The following CALML4 variants were observed in gnomAD, a reference collection of about 807,000 sequenced individuals.
CALML4 encodes calmodulin-like protein 4.
CALML4 carries 16 observed loss-of-function variants against 17.9 expected under a neutral mutation model. The ratio of observed to expected loss-of-function variants is 0.89; its 90% CI spans 0.61 to 1.36. The LOEUF is 1.36. Ranked by LOEUF, CALML4 falls within the 40% of genes most tolerant of loss-of-function variation. The pLI, the probability that CALML4 is intolerant of heterozygous loss-of-function variation, is 0.00. For missense variants in CALML4, 203 were observed against 194.8 expected (o/e 1.04, Z -0.25); for synonymous variants, 86 against 71.5 (o/e 1.20, Z -1.02).
Position 68,201,228 on chromosome 15 carries a change from C to T in CALML4, c.35-1547G>A, listed in dbSNP as rs537551200. On this transcript the variant is annotated intron_variant, in intron 2 of 4. Coordinates refer to ENST00000467889, the MANE Select transcript of CALML4 (RefSeq NM_033429.3). Reference sequence around the variant, plus strand: ...CTTTCAGAACATTCCAGAGCCTGAGCTTCCGAAGGGGCAAACCAAAGTCAG... The same window carrying T: ...CTTTCAGAACATTCCAGAGCCTGAGTTTCCGAAGGGGCAAACCAAAGTCAG... 7.9e-5 allele frequency among the ~76,000 whole-genome samples: 12 copies of T among 152,362 alleles called. No individual in the cohort carries two copies. In the South Asian group the frequency reaches 2.5e-3, roughly 32 times the overall value.
chr15:68,196,618 C>T (rs769168255), intron 4 of CALML4, among the ~76,000 whole-genome samples: 6 of 152,176 alleles, frequency 3.9e-5, no homozygotes, highest in Non-Finnish European at 7.4e-5. Flanking sequence ...GCAGAGCTGG[C>T]TGGCTGGCTG....
intron 3 of CALML4, chr15:68,198,539 C>G (rs923381000): frequency 6.6e-6 from 1 of 152,248 alleles, no homozygotes; most frequent in African/African-American, 2.4e-5. Context: ...ACCCCAGGCT[C>G]TGAAACTACT....
chr15:68,190,911 G>C lies in CALML4; in HGVS notation c.*3104C>G, dbSNP rs191701794. On this transcript the variant is annotated 3_prime_UTR_variant, in exon 5 of 5. Coordinates refer to ENST00000467889, the MANE Select transcript of CALML4 (RefSeq NM_033429.3). The surrounding 1 kb of genome is among the most constrained non-coding windows in gnomAD (Gnocchi z 4.7). ...CTCTGAAAAATCGGATTCTTTGGCAGATTTTCCTTTGAGTCAAGTGTCTGA... is the reference window on the plus strand; with the variant it reads ...CTCTGAAAAATCGGATTCTTTGGCACATTTTCCTTTGAGTCAAGTGTCTGA... 6.6e-6 allele frequency: 1 copy of C among 152,290 alleles called. No homozygotes were observed. The highest frequency in any genetic ancestry group is 6.5e-5 in the Admixed American group (1 of 15,280). 9.4% of individuals were successfully genotyped at this position (152,290 alleles called of 1,614,324 possible).
chr15:68,199,818 G>A (rs2093159470), intron 2 of CALML4, 137 bp from the exon 3 acceptor site: 1 of 864,506 alleles, frequency 1.2e-6, no homozygotes, highest in South Asian at 2.1e-5. Flanking sequence ...CCTCCCAAGG[G>A]TGCTAGATAC....
upstream of CALML4, chr15:68,205,577 G>A (rs561389962): frequency 9.6e-6 from 6 of 627,078 alleles, no homozygotes; most frequent in South Asian, 7.9e-5. This position sits in a 1 kb window ranked among gnomAD's most constrained non-coding sequence, Gnocchi z 4.8. Context: ...CCAGGAAGGG[G>A]TCTTCTCTCT....
Position 68,204,359 on chromosome 15 carries a change from CG to C in CALML4, c.34+761del, listed in dbSNP as rs1466542040. Among the ~76,000 whole-genome samples, 3 of 152,118 alleles carry C rather than the reference CG, an allele frequency of 2.0e-5. No individual in the cohort carries two copies. The highest frequency in any genetic ancestry group is 6.5e-5 in the Admixed American group (1 of 15,280). ...AAAGACCTGGAGGAATGGGATGCCTCGGGGGACTCTCAGGCCCATTGACGTC... is the reference window on the plus strand; with the variant it reads ...AAAGACCTGGAGGAATGGGATGCCTCGGGGACTCTCAGGCCCATTGACGTC... On this transcript the variant is annotated intron_variant, in intron 2 of 4. Coordinates refer to ENST00000467889, the MANE Select transcript of CALML4 (RefSeq NM_033429.3). This position sits in a 1 kb window ranked among gnomAD's most constrained non-coding sequence, Gnocchi z 6.0.
chr15:68,197,916 C>T lies in CALML4; in HGVS notation c.176-288G>A. 1 of 377,354 alleles carries T rather than the reference C, an allele frequency of 2.7e-6. No individual in the cohort carries two copies. Among genetic ancestry groups the T allele is most frequent in the Non-Finnish European group, 4.9e-6 (1 of 204,196 alleles). 23.4% of individuals were successfully genotyped at this position (377,354 alleles called of 1,614,324 possible). On this transcript the variant is annotated intron_variant, in intron 3 of 4. Transcript: ENST00000467889. The surrounding 1 kb of genome is among the most constrained non-coding windows in gnomAD (Gnocchi z 4.1). ...TCCCAACCACAGATGGAGGACTGGG[C>T]TCCTCTGCTCCCTTCTAGCGCTTCC...
upstream of CALML4, chr15:68,205,587 T>G (rs2093180717): frequency 6.7e-6 from 4 of 599,714 alleles, no homozygotes; most frequent in Middle Eastern, 1.4e-3. The surrounding 1 kb of genome is among the most constrained non-coding windows in gnomAD (Gnocchi z 4.8). Flanking sequence ...GTCTTCTCTC[T>G]CTCTCCTGGG....
At chr15:68,194,875 C>CTCTGCCCCCACCCCAAGAGAGGACTTAG (rs2093136679) in intron 4 of CALML4, among the ~76,000 whole-genome samples, 4 of 151,468 alleles carry the variant, frequency 2.6e-5, no homozygotes, top group Non-Finnish European at 5.9e-5. Context: ...TCCTCACCAC[C>CTCTGCCCCCACCCCAAGAGAGGACTTAG]TCTGCCCCCA....
chr15:68,194,694 T>TTTTA (rs2093135599), intron 4 of CALML4, among the ~76,000 whole-genome samples: 1 of 152,088 alleles, frequency 6.6e-6, no homozygotes, highest in African/African-American at 2.4e-5. Context: ...CACCCTGTGC[T>TTTTA]TTTATTTTTA....
chr15:68,199,888 T>G (rs948127635), intron 2 of CALML4: 16 of 441,782 alleles, frequency 3.6e-5, no homozygotes, highest in African/African-American at 2.0e-4. Flanking sequence ...CTGAATATAC[T>G]TTTATTGTAT....
intron 2 of CALML4, among the ~76,000 whole-genome samples, chr15:68,202,562 T>C (rs1371304754): frequency 1.3e-5 from 2 of 152,000 alleles, no homozygotes; most frequent in Non-Finnish European, 2.9e-5. Context: ...GCGGAGATCA[T>C]GCCATTGCAC....
rs557498616 is a variant in CALML4, at chr15:68,195,107, A to C, written c.365-995T>G. Among the ~76,000 whole-genome samples, 9 of 152,020 alleles carry C rather than the reference A, an allele frequency of 5.9e-5. No homozygotes were observed. In the East Asian group the frequency reaches 1.7e-3, roughly 29 times the overall value. The stretch of plus-strand genomic sequence containing the variant: ...CTTCTGGTTCTGGATTCCTGGGATA[A>C]AATAATAGCTTGTCCCAGGCGTTGG... On this transcript the variant is annotated intron_variant, in intron 4 of 4. Coordinates refer to ENST00000467889, the MANE Select transcript of CALML4 (RefSeq NM_033429.3).
In CALML4 at chr15:68,194,063, C is replaced by CAA; in HGVS notation, c.413_414insTT (p.Lys138AsnfsTer29). The CAA allele has an allele frequency of 8.1e-6, 13 of 1,614,130 alleles. No homozygotes were observed. Among genetic ancestry groups the CAA allele is most frequent in the Non-Finnish European group, 1.1e-5 (13 of 1,179,964 alleles). Reference sequence around the variant, plus strand: ...TGATCTTGTGGATAAATTCATCATACTTCACTTTGCCATTGGGTTCGATAT... The same window carrying CAA: ...TGATCTTGTGGATAAATTCATCATACAATTCACTTTGCCATTGGGTTCGATAT... On this transcript the variant is annotated frameshift_variant, in exon 5 of 5. Coordinates refer to ENST00000467889, the MANE Select transcript of CALML4 (RefSeq NM_033429.3). LOFTEE classifies it high-confidence loss of function.
rs1018005536 is a variant in CALML4 at position 68,200,321 on chromosome 15, A to C, written c.35-640T>G. Among the ~76,000 whole-genome samples the C allele has an allele frequency of 6.2e-4, 94 of 152,266 alleles. No individual in the cohort carries two copies. The highest frequency in any genetic ancestry group is 4.8e-3 in the Admixed American group (73 of 15,306). On this transcript the variant is annotated intron_variant, in intron 2 of 4. Transcript: ENST00000467889. The surrounding 1 kb of genome is among the most constrained non-coding windows in gnomAD (Gnocchi z 4.3). ...CCTGCCCTGGCCTCCAGGCTGCTAAACCCTCAAGCTGTCCTTGGACTCGGG... is the reference window on the plus strand; with the variant it reads ...CCTGCCCTGGCCTCCAGGCTGCTAACCCCTCAAGCTGTCCTTGGACTCGGG...
Position 68,193,911 on chromosome 15 carries a change from T to C in CALML4, c.*104A>G. 1 of 733,638 alleles carries C rather than the reference T, an allele frequency of 1.4e-6. No homozygotes were observed. The highest frequency in any genetic ancestry group is 2.7e-5 in the East Asian group (1 of 37,472). 45.4% of individuals were successfully genotyped at this position (733,638 alleles called of 1,614,324 possible). A position where few individuals can be genotyped will look rare whatever the true frequency, so the allele number is the denominator to read the frequency against. On this transcript the variant is annotated 3_prime_UTR_variant, in exon 5 of 5. Coordinates refer to ENST00000467889, the MANE Select transcript of CALML4 (RefSeq NM_033429.3). ...CTTCTATAGTTGGGTAATGTTGTCT[T>C]GCCACTGTGTTTGCCATCTCTCCCA... is the stretch of plus-strand genomic sequence containing the variant.
intron 2 of CALML4, among the ~76,000 whole-genome samples, chr15:68,203,759 G>C (rs1456988715): frequency 6.6e-6 from 1 of 152,214 alleles, no homozygotes; most frequent in South Asian, 2.1e-4. Flanking sequence ...GCTCAAGGGT[G>C]ATTAGGCTTC....
chr15:68,194,195 C>A (rs1221411698), intron 4 of CALML4, 83 bp from the exon 5 acceptor site: 1 of 1,016,410 alleles, frequency 9.8e-7, no homozygotes, highest in Admixed American at 1.9e-5. Flanking sequence ...CTGGAGCTCC[C>A]CTAAGGTCTT....
In CALML4 at chr15:68,190,748, G is replaced by A. The variant is rs1226329189; in HGVS notation, c.*3267C>T. On this transcript the variant is annotated 3_prime_UTR_variant, in exon 5 of 5. Transcript: ENST00000467889. This position sits in a 1 kb window ranked among gnomAD's most constrained non-coding sequence, Gnocchi z 4.7. Reference sequence around the variant, plus strand: ...TTTTAATTACTTCGTGAGTGTTATTGGATACATCTTAAAAAAAAAAAATCT... The same window carrying A: ...TTTTAATTACTTCGTGAGTGTTATTAGATACATCTTAAAAAAAAAAAATCT... 1 of 151,270 alleles carries A rather than the reference G, an allele frequency of 6.6e-6. No homozygotes were observed. Among genetic ancestry groups the A allele is most frequent in the Non-Finnish European group, 1.5e-5 (1 of 67,908 alleles). The allele number at this position is 151,270 out of a possible 1,614,324, so 9.4% of individuals were successfully genotyped here.
Sources: gnomAD v4.1 joint callset for allele counts (sites outside exome capture counted in the v4.1 genomes callset) on GRCh38, gnomAD v4.1.1 for gene constraint, Gnocchi (gnomAD v3.1) non-coding constraint, MANE v1.5 for transcripts, NCBI Gene and HGNC (gene_info 2026-07-23, HGNC 2026-07-21) for gene names.